Variants in CDH23 observed in about 807,000 individuals in gnomAD.
CDH23 encodes cadherin-23.
A neutral mutation model predicts 317.1 loss-of-function variants in CDH23; 189 were observed. The ratio of observed to expected loss-of-function variants is 0.60; its 90% CI spans 0.53 to 0.67. CDH23 has a LOEUF of 0.67. CDH23 is among the 30% of genes least tolerant of loss of function. The pLI is 0.00. For missense variants in CDH23, 4,401 were observed against 4,592.4 expected, an observed-to-expected ratio of 0.96 and a Z score of 1.20; for synonymous variants, 1,839 against 1,876.8, an observed-to-expected ratio of 0.98 and a Z score of 0.52.
chr10:71,635,533 A>G (rs1416275515), intron 11 of CDH23, among the ~76,000 whole-genome samples: 3 of 152,106 alleles, frequency 2.0e-5, no homozygotes, highest in Non-Finnish European at 2.9e-5. Context: ...CCTCGGATTG[A>G]TCCCGTCTGT....
chr10:71,524,526 G>A (rs1046655967), intron 6 of CDH23, among the ~76,000 whole-genome samples: 25 of 152,282 alleles, frequency 1.6e-4, no homozygotes, highest in South Asian at 1.5e-3. Context: ...AGGAAATCGC[G>A]TCATCTAATG....
At chr10:71,420,886 G>A (rs1002040397) in intron 1 of CDH23, among the ~76,000 whole-genome samples, 7 of 152,016 alleles carry the variant, frequency 4.6e-5, no homozygotes, top group South Asian at 2.1e-4. Flanking sequence ...GGTACCCCCC[G>A]TCGCCTGGCT....
intron 1 of CDH23, among the ~76,000 whole-genome samples, chr10:71,400,211 G>A (rs967827783): frequency 2.0e-5 from 3 of 152,208 alleles, no homozygotes; most frequent in Non-Finnish European, 4.4e-5. Context: ...GACCCTGAAG[G>A]CATCAAGGCT....
intron 2 of CDH23, among the ~76,000 whole-genome samples, chr10:71,444,936 A>AGG (rs561484091): frequency 6.6e-6 from 1 of 152,140 alleles, no homozygotes; most frequent in East Asian, 1.9e-4. Context: ...GGAGGGACTG[A>AGG]GGGGAAGTGC....
intron 17 of CDH23, among the ~76,000 whole-genome samples, chr10:71,680,539 G>A (rs1349288684): frequency 2.0e-5 from 3 of 152,062 alleles, no homozygotes; most frequent in Non-Finnish European, 4.4e-5. Flanking sequence ...ATTGAGGTCA[G>A]GAGTTTGAGA....
At position 71,679,387 on chromosome 10, in the gene CDH23, G is replaced by A. The variant is rs532867775; in HGVS notation, c.1753G>A (p.Ala585Thr). The change falls in exon 17 of 70, where the codon GCA becomes ACA. Residue 585 changes from alanine to threonine, a missense_variant and splice_region_variant. This residue lies in a region of CDH23 where 3,068 missense variants were observed against 3,203.3 expected (regional missense o/e 0.96). Coordinates refer to ENST00000224721, the MANE Select transcript of CDH23 (RefSeq NM_022124.6). ...CCCTTGTCTGCCCTCTTCCTTTCAGGCAACAGATGAAGACTCCCCTCCCAA... is the reference window on the plus strand; with the variant it reads ...CCCTTGTCTGCCCTCTTCCTTTCAGACAACAGATGAAGACTCCCCTCCCAA... ...PSVTQLVRLRATDEDSPPNNQ... is the reference protein window; with the variant it reads ...PSVTQLVRLRTTDEDSPPNNQ... The A allele has an allele frequency of 1.2e-6, 2 of 1,612,520 alleles. No individual in the cohort carries two copies. Among genetic ancestry groups the A allele is most frequent in the East Asian group, 2.2e-5 (1 of 44,868 alleles).
At position 71,793,235 on chromosome 10, in the gene CDH23, G is replaced by A. The variant is rs1397549896; in HGVS notation, c.6307G>A (p.Glu2103Lys). The change falls in exon 48 of 70, where the codon GAG becomes AAG. Residue 2103 changes from glutamate (E) to lysine (K), a missense_variant. Physicochemically the swap from Glu to Lys is moderately conservative, Grantham distance 56. Transcript: ENST00000224721. Reference sequence around the variant, plus strand: ...AGATGAGGACAGTGGCCTCAATGGGGAGCTGGTCTACCGAATAGAAGCTGG... The same window carrying A: ...AGATGAGGACAGTGGCCTCAATGGGAAGCTGGTCTACCGAATAGAAGCTGG... ...ATDEDSGLNGELVYRIEAGAQ... is the reference protein window; with the variant it reads ...ATDEDSGLNGKLVYRIEAGAQ... The A allele has an allele frequency of 6.2e-7, 1 of 1,613,840 alleles. No homozygotes were observed. Among genetic ancestry groups the A allele is most frequent in the South Asian group, 1.1e-5 (1 of 91,044 alleles).
At chr10:71,634,580 A>C (rs1429934352) in intron 11 of CDH23, among the ~76,000 whole-genome samples, 1 of 152,232 alleles carries the variant, frequency 6.6e-6, no homozygotes, top group East Asian at 1.9e-4. Flanking sequence ...GGGATTGCTG[A>C]GTTTTCCACG....
chr10:71,576,021 C>T (rs1407596062), intron 8 of CDH23, among the ~76,000 whole-genome samples: 1 of 152,220 alleles, frequency 6.6e-6, no homozygotes, highest in African/African-American at 2.4e-5. Context: ...GAAGAGTCCC[C>T]ATTGTCCTCC....
At chr10:71,769,360 C>T (rs1840633708) in intron 38 of CDH23, among the ~76,000 whole-genome samples, 1 of 152,126 alleles carries the variant, frequency 6.6e-6, no homozygotes, top group South Asian at 2.1e-4. Context: ...ATATGGTTTT[C>T]CTGTTACGTT....
chr10:71,784,731 T>A (rs1360612336), intron 42 of CDH23, among the ~76,000 whole-genome samples, 160 bp from the exon 43 acceptor site: 4 of 152,220 alleles, frequency 2.6e-5, no homozygotes, highest in African/African-American at 9.6e-5. Context: ...TTTTTAATGT[T>A]CTTTTTCTTC....
At chr10:71,755,326 G>A (rs373098678) in intron 38 of CDH23, 70 of 1,577,752 alleles carry the variant, frequency 4.4e-5, no homozygotes, top group Middle Eastern at 3.3e-4. Flanking sequence ...CACTCGCACC[G>A]TCCACCCACC....
intron 1 of CDH23, among the ~76,000 whole-genome samples, chr10:71,423,147 G>A (rs540416409): frequency 6.6e-6 from 1 of 152,308 alleles, no homozygotes; most frequent in East Asian, 1.9e-4. Context: ...GGTCCTCCAG[G>A]AGTTTAAGGT....
chr10:71,790,350 G>C lies in CDH23; in HGVS notation c.5986G>C (p.Ala1996Pro), dbSNP rs761757340. ...CCTGGATGCAGACCAAGACATCTAC[G>C]CCGTGGTGACCTACCAGCTGCTGGG... Reference protein sequence around the residue: ...LALDADQDIYAVVTYQLLGAQ... With the variant: ...LALDADQDIYPVVTYQLLGAQ... The change falls in exon 46 of 70, where the codon GCC (alanine) becomes CCC (proline). Residue 1996 changes from alanine to proline, a missense_variant. Coordinates refer to ENST00000224721, the MANE Select transcript of CDH23 (RefSeq NM_022124.6). 6.2e-7 allele frequency: 1 copy of C among 1,613,746 alleles called. No individual in the cohort carries two copies. Among genetic ancestry groups the C allele is most frequent in the Non-Finnish European group, 8.5e-7 (1 of 1,179,854 alleles).
chr10:71,545,066 G>A (rs1856198012), intron 6 of CDH23, among the ~76,000 whole-genome samples: 2 of 152,192 alleles, frequency 1.3e-5, no homozygotes, highest in Admixed American at 6.5e-5. Flanking sequence ...ACTGTCGAAG[G>A]AGGGATTCGC....
chr10:71,711,459 C>A (rs1865968018), intron 27 of CDH23, among the ~76,000 whole-genome samples: 1 of 152,118 alleles, frequency 6.6e-6, no homozygotes, highest in Non-Finnish European at 1.5e-5. Flanking sequence ...ACCACTCTTG[C>A]CTGGACATGC....
intron 38 of CDH23, among the ~76,000 whole-genome samples, chr10:71,743,694 T>C (rs1163239210): frequency 6.6e-6 from 1 of 152,128 alleles, no homozygotes; most frequent in Non-Finnish European, 1.5e-5. Flanking sequence ...AGGACCCAGT[T>C]TCGACATGAC....
intron 1 of CDH23, among the ~76,000 whole-genome samples, chr10:71,399,870 T>C (rs538418620): frequency 1.1e-4 from 17 of 152,156 alleles, no homozygotes; most frequent in African/African-American, 3.9e-4. Context: ...ACTCTGCCTC[T>C]AGGACGCCTG....
chr10:71,759,788 G>T (rs2132880660), intron 38 of CDH23, among the ~76,000 whole-genome samples: 1 of 145,164 alleles, frequency 6.9e-6, no homozygotes, highest in East Asian at 2.1e-4. Flanking sequence ...CTCCAGCCTG[G>T]GTAACAGAGT....
Sources: gnomAD v4.1 joint callset for allele counts (sites outside exome capture counted in the v4.1 genomes callset) on GRCh38, gnomAD v4.1.1 for gene constraint, gnomAD v4.1.1 regional missense constraint, MANE v1.5 for transcripts, NCBI Gene and HGNC (gene_info 2026-07-23, HGNC 2026-07-21) for gene names.